Variants in CACNA1S observed in about 807,000 individuals in gnomAD.
CACNA1S encodes voltage-dependent L-type calcium channel subunit alpha-1S.
CACNA1S carries 126 observed loss-of-function variants against 207.4 expected under a neutral mutation model. The ratio of observed to expected loss-of-function variants is 0.61; its 90% CI spans 0.53 to 0.70. The LOEUF is 0.70. Ranked by LOEUF, CACNA1S falls within the 30% of genes least tolerant of loss-of-function variation. The pLI is 0.00. For missense variants in CACNA1S, 2,349 were observed against 2,422.8 expected, an observed-to-expected ratio of 0.97 and a Z score of 0.64; for synonymous variants, 960 against 932.7, an observed-to-expected ratio of 1.03 and a Z score of -0.53.
intron 40 of CACNA1S, among the ~76,000 whole-genome samples, chr1:201,042,271 AT>A (rs1291334242): frequency 6.6e-6 from 1 of 152,156 alleles, no homozygotes; most frequent in Non-Finnish European, 1.5e-5. Context: ...AGTAGCTGAG[AT>A]TTCAGGCATG....
chr1:201,067,373 G>C (rs1216074802), intron 19 of CACNA1S, among the ~76,000 whole-genome samples: 1 of 152,162 alleles, frequency 6.6e-6, no homozygotes, highest in Non-Finnish European at 1.5e-5. Flanking sequence ...GGTTTGCTAA[G>C]TCAGGCTGAA....
At chr1:201,103,114 C>A (rs548458898) in intron 2 of CACNA1S, among the ~76,000 whole-genome samples, 9 of 151,926 alleles carry the variant, frequency 5.9e-5, no homozygotes, top group Non-Finnish European at 1.3e-4. Flanking sequence ...GGTGTGGTGA[C>A]GTGTGCCTGT....
chr1:201,056,074 C>CAG (rs1558059537), intron 28 of CACNA1S, among the ~76,000 whole-genome samples: 11 of 128,180 alleles, frequency 8.6e-5, no homozygotes, highest in African/African-American at 3.1e-4. Flanking sequence ...CAGACAGACA[C>CAG]ACACACACAC....
intron 11 of CACNA1S, 115 bp downstream of exon 11, chr1:201,077,764 G>T (rs991408331): frequency 5.5e-5 from 37 of 674,514 alleles, no homozygotes; most frequent in Non-Finnish European, 8.7e-5. Context: ...CTGGGCAAGG[G>T]ACCAGTGGTG....
At chr1:201,068,995 C>A in intron 19 of CACNA1S, 142 bp downstream of exon 19, 1 of 751,610 alleles carries the variant, frequency 1.3e-6, no homozygotes, top group Non-Finnish European at 2.3e-6. Flanking sequence ...TGTGGGCCTG[C>A]CGGTGTGCTG....
At chr1:201,098,529 T>C (rs1572067941) in intron 2 of CACNA1S, among the ~76,000 whole-genome samples, 1 of 152,316 alleles carries the variant, frequency 6.6e-6, no homozygotes, top group East Asian at 1.9e-4. Flanking sequence ...CGAACTGTGG[T>C]CTTTCCCTAC....
rs899653958 is a variant in CACNA1S, at chr1:201,042,929, G to A, written c.5048+352C>T. 5 of 294,514 alleles carry A rather than the reference G, an allele frequency of 1.7e-5. No individual in the cohort carries two copies. In the Admixed American group the frequency reaches 2.4e-4, roughly 14 times the overall value. The allele number at this position is 294,514 out of a possible 1,614,324, so 18.2% of individuals were successfully genotyped here. On this transcript the variant is annotated intron_variant, in intron 40 of 43. Transcript: ENST00000362061. ...TCCTTGGAACCTAAATCCAGTGATGGAATCTTATTGTCCACAGTCTTTTGT... is the reference window on the plus strand; with the variant it reads ...TCCTTGGAACCTAAATCCAGTGATGAAATCTTATTGTCCACAGTCTTTTGT...
chr1:201,039,732 G>T lies in CACNA1S; in HGVS notation c.*99C>A. On this transcript the variant is annotated 3_prime_UTR_variant, in exon 44 of 44. Coordinates refer to ENST00000362061, the MANE Select transcript of CACNA1S (RefSeq NM_000069.3). ...CCATGCATCTAGCTGCTGAGAGGGA[G>T]GGAGGCTGCTGCGGTGGGCTAGCCC... The T allele has an allele frequency of 6.6e-7, 1 of 1,521,790 alleles. No homozygotes were observed. Among genetic ancestry groups the T allele is most frequent in the Non-Finnish European group, 9.0e-7 (1 of 1,111,872 alleles). The allele number at this position is 1,521,790 out of a possible 1,614,324, so 94.3% of individuals were successfully genotyped here. A position where few individuals can be genotyped will look rare whatever the true frequency, so the allele number is the denominator to read the frequency against.
At chr1:201,071,193 A>G (rs1478902210) in intron 16 of CACNA1S, among the ~76,000 whole-genome samples, 2 of 151,330 alleles carry the variant, frequency 1.3e-5, no homozygotes, top group Non-Finnish European at 2.9e-5. Context: ...CTCCTCCCTA[A>G]CCCTCCTGGC....
chr1:201,054,072 G>A (rs1558058352), intron 29 of CACNA1S, among the ~76,000 whole-genome samples: 1 of 152,176 alleles, frequency 6.6e-6, no homozygotes, highest in African/African-American at 2.4e-5. Flanking sequence ...CCCTGCACAC[G>A]GCTGTTCTAA....
Position 201,061,266 on chromosome 1 carries a change from C to G in CACNA1S, c.3255+1G>C, listed in dbSNP as rs746814221. On this transcript the variant is annotated splice_donor_variant, in intron 25 of 43. Transcript: ENST00000362061. LOFTEE classifies it high-confidence loss of function. ...CCACCTCTGGCAGGCAGCCCAGGCA[C>G]CTGGTTCTTGTCCAGCTCACAGTTC... The G allele has an allele frequency of 6.2e-7, 1 of 1,614,066 alleles. No homozygotes were observed. Among genetic ancestry groups the G allele is most frequent in the Admixed American group, 1.7e-5 (1 of 60,026 alleles).
Position 201,053,241 on chromosome 1 carries a change from G to C in CACNA1S, c.3829C>G (p.Leu1277Val). 6.2e-7 allele frequency: 1 copy of C among 1,614,240 alleles called. No homozygotes were observed. The highest frequency in any genetic ancestry group is 1.1e-5 in the South Asian group (1 of 91,090). Residue 1277 changes from leucine to valine, a missense_variant, in exon 31 of 44, where the codon CTC becomes GTC. Coordinates refer to ENST00000362061, the MANE Select transcript of CACNA1S (RefSeq NM_000069.3). The surrounding 1 kb of genome is among the most constrained non-coding windows in gnomAD (Gnocchi z 5.1). ...CCGATGACAGCGTAGATGAAGAAGA[G>C]CATGACGATGAGCAGAGCCACGTAG... ...LPYVALLIVM[L>V]FFIYAVIGMQ...
Position 201,039,659 on chromosome 1 carries a change from T to G in CACNA1S, c.*172A>C. Reference sequence around the variant, plus strand: ...TGGTGAGGGGCAGGGCCTGTCCAGCTACTTCCTCCGCACTTTTTGAGGTGG... The same window carrying G: ...TGGTGAGGGGCAGGGCCTGTCCAGCGACTTCCTCCGCACTTTTTGAGGTGG... On this transcript the variant is annotated 3_prime_UTR_variant, in exon 44 of 44. Transcript: ENST00000362061. 1 of 766,634 alleles carries G rather than the reference T, an allele frequency of 1.3e-6. No homozygotes were observed. Among genetic ancestry groups the G allele is most frequent in the South Asian group, 1.7e-5 (1 of 59,410 alleles). The allele number at this position is 766,634 out of a possible 1,614,324, so 47.5% of individuals were successfully genotyped here.
At position 201,077,089 on chromosome 1, in the gene CACNA1S, A is replaced by T. The variant is rs754217097; in HGVS notation, c.1658T>A (p.Leu553His). ...TSLSNLVASL[L>H]NSIRSIASLL... ...GGAGGCGATGGAGCGGATGGAGTTG[A>T]GCAGGGATGCCACCAGGTTGCTCAG... is the stretch of plus-strand genomic sequence containing the variant. Residue 553 changes from leucine (L) to histidine (H), a missense_variant, in exon 12 of 44, where the codon CTC becomes CAC. Transcript: ENST00000362061. 5 of 1,614,168 alleles carry T rather than the reference A, an allele frequency of 3.1e-6. No homozygotes were observed. The highest frequency in any genetic ancestry group is 4.2e-6 in the Non-Finnish European group (5 of 1,180,022).
intron 10 of CACNA1S, among the ~76,000 whole-genome samples, chr1:201,082,457 G>A (rs1194077303): frequency 2.0e-5 from 3 of 152,108 alleles, no homozygotes; most frequent in Non-Finnish European, 2.9e-5. Context: ...ACTGTTTAAC[G>A]TCTTCATATC....
intron 16 of CACNA1S, among the ~76,000 whole-genome samples, chr1:201,072,317 T>A (rs562120955): frequency 6.6e-6 from 1 of 152,282 alleles, no homozygotes; most frequent in Admixed American, 6.5e-5. Context: ...CATGGTTCTA[T>A]CCATCCCTGT....
intron 2 of CACNA1S, among the ~76,000 whole-genome samples, chr1:201,106,235 T>C (rs1662879518): frequency 6.6e-6 from 1 of 150,828 alleles, no homozygotes; most frequent in South Asian, 2.1e-4. Context: ...CACAGCCATC[T>C]TTACCATCAC....
Position 201,066,945 on chromosome 1 carries a change from A to C in CACNA1S, c.2599T>G (p.Tyr867Asp). The change falls in exon 20 of 44, where the codon TAC (tyrosine) becomes GAC (aspartate). Residue 867 changes from tyrosine (Y) to aspartate (D), a missense_variant. Coordinates refer to ENST00000362061, the MANE Select transcript of CACNA1S (RefSeq NM_000069.3). This position sits in a 1 kb window ranked among gnomAD's most constrained non-coding sequence, Gnocchi z 4.3. ...ACCAGCAGGTCCAGCATGTTGAAGT[A>C]ATTGCGGCAGAAGGAACCCTTGTGC... is the stretch of plus-strand genomic sequence containing the variant. ...FLHKGSFCRN[Y>D]FNMLDLLVVA... The C allele has an allele frequency of 6.2e-7, 1 of 1,614,198 alleles. No individual in the cohort carries two copies. Among genetic ancestry groups the C allele is most frequent in the Non-Finnish European group, 8.5e-7 (1 of 1,180,002 alleles).
rs1057524423 is a variant in CACNA1S, at chr1:201,039,991, T to C, written c.5462A>G (p.Glu1821Gly). 4 of 1,614,260 alleles carry C rather than the reference T, an allele frequency of 2.5e-6. No homozygotes were observed. The change falls in exon 44 of 44, where the codon GAA becomes GGA. Residue 1821 changes from glutamate to glycine, a missense_variant. Glu to Gly is a moderately conservative substitution (Grantham distance 98, BLOSUM62 -2). Coordinates refer to ENST00000362061, the MANE Select transcript of CACNA1S (RefSeq NM_000069.3). Reference sequence around the variant, plus strand: ...TGCCATGATCTCCACTTCCTCTGGTTCCATTTGGCAGGCATCTGCCAGGGC... The same window carrying C: ...TGCCATGATCTCCACTTCCTCTGGTCCCATTTGGCAGGCATCTGCCAGGGC... The part of the protein sequence containing the change: ...GQALADACQM[E>G]PEEVEIMATE...
Sources: gnomAD v4.1 joint callset for allele counts (sites outside exome capture counted in the v4.1 genomes callset) on GRCh38, gnomAD v4.1.1 for gene constraint, Gnocchi (gnomAD v3.1) non-coding constraint, MANE v1.5 for transcripts, NCBI Gene and HGNC (gene_info 2026-07-23, HGNC 2026-07-21) for gene names.